The following PDE4D variants were observed in gnomAD, a reference collection of about 807,000 sequenced individuals.
The protein encoded by PDE4D is 3',5'-cyclic-AMP phosphodiesterase 4D.
Under a neutral mutation model 87.4 loss-of-function variants are expected in PDE4D, and 24 were observed. That is an observed-to-expected ratio of 0.27 (90% CI 0.20 to 0.39). The LOEUF (loss-of-function observed/expected upper bound fraction) is 0.39, where lower values mean the gene tolerates loss of function less well. Among genes scored for constraint, PDE4D ranks in the 10% least tolerant of loss-of-function variants. The pLI, the probability that PDE4D is intolerant of heterozygous loss-of-function variation, is 1.00. For synonymous variants in PDE4D, 384 were observed against 383.2 expected (o/e 1.00, Z -0.02); for missense variants, 714 against 1,041.0 (o/e 0.69, Z 4.32).
Position 59,371,916 on chromosome 5 carries a change from C to T in PDE4D, c.456-155948G>A, listed in dbSNP as rs557734048. On this transcript the variant is annotated intron_variant, in intron 1 of 14. Transcript: ENST00000340635. ...GTAAAGAAAAAGAGTGGTATATGCT[C>T]ATGTTCTACTGGACTCTGAACCTCC... Among the ~76,000 whole-genome samples, 3 of 152,272 alleles carry T rather than the reference C, an allele frequency of 2.0e-5. No individual in the cohort carries two copies. The South Asian group carries it at 6.2e-4, about 32-fold the overall frequency.
chr5:60,422,791 A>C (rs538114570), intron 1 of PDE4D, among the ~76,000 whole-genome samples: 1 of 152,342 alleles, frequency 6.6e-6, no homozygotes, highest in East Asian at 1.9e-4. Context: ...TGCTGTATTC[A>C]GGAGACCCAT....
At chr5:60,116,017 C>G (rs960869891) in intron 2 of PDE4D, among the ~76,000 whole-genome samples, 1 of 152,036 alleles carries the variant, frequency 6.6e-6, no homozygotes, top group African/African-American at 2.4e-5. Context: ...TTGTAGTAAA[C>G]AACATTATTT....
intron 1 of PDE4D, among the ~76,000 whole-genome samples, chr5:59,496,866 A>G (rs1807316933): frequency 6.6e-6 from 1 of 152,090 alleles, no homozygotes; most frequent in South Asian, 2.1e-4. Context: ...TTCTCCAGCA[A>G]TTCCACTCCC....
chr5:59,096,132 G>GC (rs1769665387), intron 5 of PDE4D, among the ~76,000 whole-genome samples: 1 of 152,166 alleles, frequency 6.6e-6, no homozygotes, highest in South Asian at 2.1e-4. Flanking sequence ...CTGAAAAGGA[G>GC]GAGCTGGGGA....
intron 1 of PDE4D, among the ~76,000 whole-genome samples, chr5:59,347,867 CT>C (rs1268068341): frequency 6.6e-6 from 1 of 152,058 alleles, no homozygotes; most frequent in Non-Finnish European, 1.5e-5. Context: ...AGTTTCAGGC[CT>C]AGAACTACAA....
chr5:60,369,612 C>T (rs1760842335), intron 1 of PDE4D, among the ~76,000 whole-genome samples: 1 of 152,122 alleles, frequency 6.6e-6, no homozygotes, highest in African/African-American at 2.4e-5. Context: ...GGAGCATGCG[C>T]ACCATGGTCC....
intron 2 of PDE4D, among the ~76,000 whole-genome samples, chr5:59,996,093 T>C (rs561831893): frequency 6.6e-6 from 1 of 152,352 alleles, no homozygotes; most frequent in Middle Eastern, 3.4e-3. Context: ...TCTCCCCATG[T>C]TCAAATATTC....
rs150003085 is a variant in PDE4D at position 60,433,601 on chromosome 5, A to G, written c.-90+54341T>C. Reference sequence around the variant, plus strand: ...TACCCAAAGGAATATAAATCATTCTACCATAATGATACACACATGCATATG... The same window carrying G: ...TACCCAAAGGAATATAAATCATTCTGCCATAATGATACACACATGCATATG... On this transcript the variant is annotated intron_variant, in intron 1 of 16. Coordinates refer to the PDE4D transcript ENST00000502484. Among the ~76,000 whole-genome samples, 19 of 152,350 alleles carry G rather than the reference A, an allele frequency of 1.2e-4. No individual in the cohort carries two copies. The East Asian group carries it at 3.5e-3, about 28-fold the overall frequency.
At chr5:59,727,403 G>A (rs1756757798) in intron 1 of PDE4D, among the ~76,000 whole-genome samples, 1 of 152,056 alleles carries the variant, frequency 6.6e-6, no homozygotes, top group African/African-American at 2.4e-5. Flanking sequence ...TGTGTGGGCT[G>A]GTTTATCCAC....
At chr5:59,969,127 A>G (rs1760412949) in intron 3 of PDE4D, among the ~76,000 whole-genome samples, 1 of 152,172 alleles carries the variant, frequency 6.6e-6, no homozygotes, top group South Asian at 2.1e-4. Context: ...CTTCTAAGCT[A>G]CAGGAAATAT....
chr5:60,126,941 A>G (rs573505066), intron 2 of PDE4D, among the ~76,000 whole-genome samples: 2 of 152,352 alleles, frequency 1.3e-5, no homozygotes, highest in African/African-American at 4.8e-5. Flanking sequence ...ATATCTGATA[A>G]GTACAGTGAA....
In PDE4D at chr5:59,122,375, G is replaced by A. The variant is rs183022631; in HGVS notation, c.808+58220C>T. 5.2e-4 allele frequency among the ~76,000 whole-genome samples: 79 copies of A among 152,224 alleles called. 1 individual carries two copies. The highest frequency in any genetic ancestry group is 5.0e-3 in the Admixed American group (77 of 15,276). ...AAACTTGAACTCATGAAGGTAGACC[G>A]ATAGATACCAGAGCCTGGGAGGAGT... On this transcript the variant is annotated intron_variant, in intron 5 of 14. Coordinates refer to ENST00000340635, the MANE Select transcript of PDE4D (RefSeq NM_001104631.2).
chr5:59,825,509 T>G (rs1299505912), intron 1 of PDE4D, among the ~76,000 whole-genome samples: 1 of 151,936 alleles, frequency 6.6e-6, no homozygotes, highest in Non-Finnish European at 1.5e-5. Context: ...GAGGACAGAG[T>G]CTCTGTGGTA....
chr5:59,903,559 A>T (rs1362847931), intron 3 of PDE4D, among the ~76,000 whole-genome samples: 1 of 152,212 alleles, frequency 6.6e-6, no homozygotes, highest in African/African-American at 2.4e-5. Context: ...ATAGAAAAAA[A>T]ACTGCAATTA....
chr5:60,420,706 G>A (rs1018028395), intron 1 of PDE4D, among the ~76,000 whole-genome samples: 7 of 152,256 alleles, frequency 4.6e-5, no homozygotes, highest in Non-Finnish European at 1.0e-4. Context: ...ATTGGACAGT[G>A]GGTGCAGCCC....
intron 1 of PDE4D, among the ~76,000 whole-genome samples, chr5:60,509,451 T>C (rs1583960226): frequency 6.6e-6 from 1 of 152,184 alleles, no homozygotes; most frequent in African/African-American, 2.4e-5. Flanking sequence ...ACAGATAAAT[T>C]TTAGCAAGTA....
chr5:59,308,328 T>G (rs1771845406), intron 1 of PDE4D, among the ~76,000 whole-genome samples: 1 of 151,600 alleles, frequency 6.6e-6, no homozygotes, highest in Non-Finnish European at 1.5e-5. Flanking sequence ...AGTATAATAA[T>G]AATAATTTAA....
intron 1 of PDE4D, among the ~76,000 whole-genome samples, chr5:59,838,090 A>T (rs1237032977): frequency 1.3e-5 from 2 of 152,084 alleles, no homozygotes; most frequent in Non-Finnish European, 2.9e-5. Context: ...TTTGACACTT[A>T]AAAAAACTAG....
At chr5:59,906,312 T>A (rs1227635490) in intron 3 of PDE4D, among the ~76,000 whole-genome samples, 3 of 152,272 alleles carry the variant, frequency 2.0e-5, no homozygotes, top group Non-Finnish European at 4.4e-5. Flanking sequence ...CCTATTTCTC[T>A]AGGAAACTAT....
Sources: allele counts gnomAD v4.1 joint callset (sites outside exome capture counted in the v4.1 genomes callset), GRCh38; gene constraint gnomAD v4.1.1; transcripts MANE v1.5; gene names NCBI Gene and HGNC (gene_info 2026-07-23, HGNC 2026-07-21).